The following DNAH17 variants were observed in gnomAD, a reference collection of about 807,000 sequenced individuals.
DNAH17 encodes the protein dynein axonemal heavy chain 17.
In DNAH17, 376 loss-of-function variants were observed where a neutral mutation model predicts 485.6. The ratio of observed to expected loss-of-function variants is 0.77; its 90% CI spans 0.71 to 0.84. DNAH17 has a LOEUF of 0.84. Among genes scored for constraint, DNAH17 ranks in the 40% least tolerant of loss-of-function variants. The probability of loss-of-function intolerance (pLI) is 0.00; values close to 1 mark genes in which losing one functional copy is unlikely to be tolerated. For synonymous variants in DNAH17, 3,031 were observed against 2,405.9 expected (o/e 1.26, Z -7.60); for missense variants, 6,370 against 5,839.3 (o/e 1.09, Z -2.96).
chr17:78,548,842 G>A lies in DNAH17; in HGVS notation c.2391+2693C>T, dbSNP rs73999120. 2.7e-3 allele frequency among the ~76,000 whole-genome samples: 408 copies of A among 152,358 alleles called. 2 individuals carry two copies. The highest frequency in any genetic ancestry group is 9.4e-3 in the African/African-American group (391 of 41,596). ...TTTTGCTAGTTTTGAGACGGCATCT[G>A]AGGGCATGTGCCTGGGAGCCAGTGT... On this transcript the variant is annotated intron_variant, in intron 16 of 80. Coordinates refer to ENST00000389840, the MANE Select transcript of DNAH17 (RefSeq NM_173628.4).
intron 14 of DNAH17, among the ~76,000 whole-genome samples, chr17:78,553,292 T>TG (rs2091946835): frequency 2.5e-5 from 1 of 39,904 alleles, no homozygotes; most frequent in Admixed American, 2.7e-4. Flanking sequence ...TGTTTTTTTT[T>TG]TTTTTTTTTT....
At chr17:78,487,794 C>G (rs1015916833) in intron 44 of DNAH17, among the ~76,000 whole-genome samples, 1 of 152,134 alleles carries the variant, frequency 6.6e-6, no homozygotes, top group Admixed American at 6.5e-5. Flanking sequence ...CAAAGTGCTG[C>G]GATTACAGAC....
intron 12 of DNAH17, among the ~76,000 whole-genome samples, chr17:78,561,367 G>T (rs957536975): frequency 6.6e-6 from 1 of 151,992 alleles, no homozygotes; most frequent in South Asian, 2.1e-4. Context: ...TGCGTCCACC[G>T]TGAAGCCTCC....
At chr17:78,498,270 G>A (rs1598589910) in intron 37 of DNAH17, among the ~76,000 whole-genome samples, 2 of 152,184 alleles carry the variant, frequency 1.3e-5, no homozygotes, top group African/African-American at 4.8e-5. Context: ...ACATGCTCCT[G>A]GTCTATCCTG....
chr17:78,447,709 T>C (rs2087368676), intron 69 of DNAH17, among the ~76,000 whole-genome samples: 1 of 150,232 alleles, frequency 6.7e-6, no homozygotes, highest in South Asian at 2.1e-4. Context: ...ATAGTGAACC[T>C]ATGATTCAGA....
At chr17:78,477,942 T>TCACCACCACCATCACCAC (rs1243475769) in intron 51 of DNAH17, among the ~76,000 whole-genome samples, 1 of 144,898 alleles carries the variant, frequency 6.9e-6, no homozygotes, top group African/African-American at 2.6e-5. Context: ...ATCACCACCA[T>TCACCACCACCATCACCAC]CACCATTATC....
chr17:78,476,793 G>T, intron 51 of DNAH17, 60 bp from the exon 52 acceptor site: 1 of 1,563,426 alleles, frequency 6.4e-7, no homozygotes, highest in South Asian at 1.2e-5. Context: ...CCCAGAGCTG[G>T]ACACAGATGA....
intron 35 of DNAH17, 158 bp from the exon 36 acceptor site, chr17:78,500,619 A>C (rs980056877): frequency 5.2e-5 from 33 of 638,524 alleles, no homozygotes; most frequent in Non-Finnish European, 6.9e-5. Context: ...AATGATTCTC[A>C]TGCCTCAGCC....
Position 78,425,517 on chromosome 17 carries a change from C to T in DNAH17, c.12970G>A (p.Gly4324Ser), listed in dbSNP as rs779260124. The part of the protein sequence containing the change: ...FALPTTVWLA[G>S]FFNPQSFLTA... ...AGGAACGACTGGGGGTTGAAGAAGC[C>T]GGCCAGCCACACGGTGGTGGGCAGG... The change falls in exon 80 of 81, where the codon GGC (glycine) becomes AGC (serine). Residue 4324 changes from glycine (G) to serine (S), a missense_variant. By Grantham distance (56) the Gly-to-Ser change is moderately conservative (BLOSUM62 0). Transcript: ENST00000389840. 1.9e-5 allele frequency: 31 copies of T among 1,613,708 alleles called. No individual in the cohort carries two copies. Among genetic ancestry groups the T allele is most frequent in the East Asian group, 6.7e-5 (3 of 44,894 alleles).
intron 49 of DNAH17, 104 bp downstream of exon 49, chr17:78,480,580 G>T: frequency 2.2e-6 from 2 of 890,116 alleles, no homozygotes; most frequent in Non-Finnish European, 3.3e-6. Flanking sequence ...AGAAAATGTC[G>T]GCCTGCAGCC....
chr17:78,561,450 C>G (rs2092152012), intron 12 of DNAH17, among the ~76,000 whole-genome samples: 1 of 152,116 alleles, frequency 6.6e-6, no homozygotes, highest in South Asian at 2.1e-4. Flanking sequence ...TACACAGCCT[C>G]TTCCTGTTCC....
chr17:78,475,142 G>T, intron 54 of DNAH17, 136 bp downstream of exon 54: 1 of 1,019,656 alleles, frequency 9.8e-7, no homozygotes, highest in East Asian at 2.5e-5. Flanking sequence ...CTAAGATAAA[G>T]ACCCTTTGGA....
chr17:78,498,943 G>A, intron 37 of DNAH17, 65 bp downstream of exon 37: 1 of 1,300,744 alleles, frequency 7.7e-7, no homozygotes, highest in Non-Finnish European at 1.1e-6. Flanking sequence ...GGCGTGTGAG[G>A]TCACAGGAAA....
At position 78,554,436 on chromosome 17, in the gene DNAH17, C is replaced by CAA. The variant is rs55701739; in HGVS notation, c.2179-1633_2179-1632dup. 2.6e-3 allele frequency among the ~76,000 whole-genome samples: 84 copies of CAA among 32,262 alleles called. 27 individuals carry two copies. Among genetic ancestry groups the CAA allele is most frequent in the East Asian group, 0.015 (11 of 716 alleles). 21.2% of individuals were successfully genotyped at this position (32,262 alleles called of 152,430 possible). A position where few individuals can be genotyped will look rare whatever the true frequency, so the allele number is the denominator to read the frequency against. ...TGGACAATAGAATGAGACTCTGTCT[C>CAA]AAAAAAAAAAAAAAAAAAAAAAAAA... is the stretch of plus-strand genomic sequence containing the variant. On this transcript the variant is annotated intron_variant, in intron 14 of 80. Transcript: ENST00000389840.
chr17:78,566,499 C>G (rs1394945030), intron 11 of DNAH17, 115 bp downstream of exon 11: 1 of 770,910 alleles, frequency 1.3e-6, no homozygotes. Context: ...CCCTCCCTCC[C>G]TGGACATCAG....
intron 5 of DNAH17, 41 bp from the exon 6 acceptor site, chr17:78,571,074 G>C: frequency 6.5e-7 from 1 of 1,530,186 alleles, no homozygotes; most frequent in South Asian, 1.2e-5. Context: ...TAAGAGAGCA[G>C]AAATTGCTCA....
chr17:78,543,114 GGTTTTGTTTT>G (rs59986833), intron 17 of DNAH17, among the ~76,000 whole-genome samples: 26 of 150,736 alleles, frequency 1.7e-4, no homozygotes, highest in African/African-American at 6.4e-4. Flanking sequence ...AAAGATCATA[GGTTTTGTTTT>G]GTTTTGTTTT....
rs542744067 is a variant in DNAH17 at position 78,473,535 on chromosome 17, C to T, written c.8511+1743G>A. 6.4e-5 allele frequency among the ~76,000 whole-genome samples: 8 copies of T among 124,490 alleles called. No individual in the cohort carries two copies. The South Asian group carries it at 2.0e-3, about 31-fold the overall frequency. 81.7% of individuals were successfully genotyped at this position (124,490 alleles called of 152,430 possible). On this transcript the variant is annotated intron_variant, in intron 54 of 80. Transcript: ENST00000389840. The stretch of plus-strand genomic sequence containing the variant: ...CTCCAGCCTGGGCGACAGAGTGAGA[C>T]TCTGTCTCAAAAAAAAAAAAAAAAA...
At chr17:78,496,175 CT>C in intron 37 of DNAH17, 143 bp from the exon 38 acceptor site, 1 of 985,426 alleles carries the variant, frequency 1.0e-6, no homozygotes, top group Non-Finnish European at 1.4e-6. Context: ...TAAATTAAGC[CT>C]TTTATTTTTG....
Sources: gnomAD v4.1 joint callset for allele counts (sites outside exome capture counted in the v4.1 genomes callset) on GRCh38, gnomAD v4.1.1 for gene constraint, MANE v1.5 for transcripts, NCBI Gene and HGNC (gene_info 2026-07-23, HGNC 2026-07-21) for gene names.